The following ANKS1B variants were observed in gnomAD, a reference collection of about 807,000 sequenced individuals.
ANKS1B encodes ankyrin repeat and sterile alpha motif domain containing 1B.
A neutral mutation model predicts 148.3 loss-of-function variants in ANKS1B; 36 were observed. That is an observed-to-expected ratio of 0.24 (90% CI 0.19 to 0.32). The LOEUF (loss-of-function observed/expected upper bound fraction) is 0.32, where lower values mean the gene tolerates loss of function less well. Among genes scored for constraint, ANKS1B ranks in the 10% least tolerant of loss-of-function variants. ANKS1B has a pLI of 1.00. For missense variants in ANKS1B, 1,157 were observed against 1,542.6 expected (o/e 0.75, Z 4.19); for synonymous variants, 542 against 560.8 (o/e 0.97, Z 0.47).
chr12:99,356,767 C>G (rs1280716962), intron 12 of ANKS1B, among the ~76,000 whole-genome samples: 1 of 152,016 alleles, frequency 6.6e-6, no homozygotes, highest in East Asian at 1.9e-4. Context: ...ACATGAGTTC[C>G]CTTTAAAACC....
intron 8 of ANKS1B, among the ~76,000 whole-genome samples, chr12:99,736,650 C>T (rs1469323357): frequency 6.6e-6 from 1 of 151,732 alleles, no homozygotes; most frequent in Non-Finnish European, 1.5e-5. Context: ...AATTTTATGG[C>T]AAAGAATTCA....
chr12:99,925,186 C>A (rs560716996), intron 1 of ANKS1B, among the ~76,000 whole-genome samples: 4 of 152,158 alleles, frequency 2.6e-5, no homozygotes, highest in Non-Finnish European at 4.4e-5. Flanking sequence ...AAGAATTTAA[C>A]AGAAAGCCCT....
At chr12:99,261,891 G>A (rs531161924) in intron 12 of ANKS1B, among the ~76,000 whole-genome samples, 172 of 152,146 alleles carry the variant, frequency 1.1e-3, no homozygotes, top group African/African-American at 3.9e-3. Context: ...GAGGCCATAC[G>A]TGATCTCAGA....
At chr12:99,351,814 C>A (rs1039963931) in intron 12 of ANKS1B, among the ~76,000 whole-genome samples, 1 of 152,192 alleles carries the variant, frequency 6.6e-6, no homozygotes, top group Non-Finnish European at 1.5e-5. Context: ...AGTGATCTGA[C>A]ATACATCAAT....
intron 25 of ANKS1B, among the ~76,000 whole-genome samples, chr12:98,769,837 T>C (rs1241069774): frequency 1.3e-5 from 2 of 152,218 alleles, no homozygotes; most frequent in African/African-American, 4.8e-5. Flanking sequence ...CTGAAAAGTA[T>C]CAGAATATTC....
intron 17 of ANKS1B, among the ~76,000 whole-genome samples, chr12:99,038,123 A>T (rs1438870799): frequency 6.6e-6 from 1 of 152,180 alleles, no homozygotes; most frequent in Non-Finnish European, 1.5e-5. Context: ...GATCATAATG[A>T]TTATCAGTAG....
chr12:98,921,857 T>C (rs1389865028), intron 17 of ANKS1B, among the ~76,000 whole-genome samples: 1 of 152,196 alleles, frequency 6.6e-6, no homozygotes, highest in Non-Finnish European at 1.5e-5. Context: ...CCAGAAAGCA[T>C]AAAGTTCTAA....
rs60549978 is a variant in ANKS1B, at chr12:99,956,277, CAAAA to C, written c.134+27823_134+27826del. Among the ~76,000 whole-genome samples, 8 of 90,158 alleles carry C rather than the reference CAAAA, an allele frequency of 8.9e-5. No homozygotes were observed. In the South Asian group the frequency reaches 2.5e-3, roughly 29 times the overall value. The allele number at this position is 90,158 out of a possible 152,430, so 59.1% of individuals were successfully genotyped here. ...TGAGTGACAGAGGGAGACTCTGTCT[CAAAA>C]AAAAAAAAAAAAAGCGCATGGATAA... On this transcript the variant is annotated intron_variant, in intron 1 of 26. Transcript: ENST00000683438.
chr12:99,360,636 T>C (rs891949884), intron 12 of ANKS1B, among the ~76,000 whole-genome samples: 6 of 152,144 alleles, frequency 3.9e-5, no homozygotes, highest in Non-Finnish European at 8.8e-5. Flanking sequence ...CTTAAGATTA[T>C]GTCCTCTTTC....
chr12:99,592,582 A>G (rs1405567501), intron 9 of ANKS1B, among the ~76,000 whole-genome samples: 1 of 152,112 alleles, frequency 6.6e-6, no homozygotes, highest in African/African-American at 2.4e-5. Flanking sequence ...CTGAAGAAAA[A>G]GACATGGAGA....
At chr12:99,367,122 A>T (rs1013288021) in intron 12 of ANKS1B, among the ~76,000 whole-genome samples, 4 of 152,126 alleles carry the variant, frequency 2.6e-5, no homozygotes, top group African/African-American at 9.7e-5. Context: ...AGACATTGCC[A>T]AAAAACGTGG....
chr12:99,871,250 T>C (rs2091474241), intron 1 of ANKS1B, among the ~76,000 whole-genome samples: 1 of 152,170 alleles, frequency 6.6e-6, no homozygotes, highest in African/African-American at 2.4e-5. Flanking sequence ...GGGTTCTCTA[T>C]TCTGTCCCAT....
chr12:98,878,146 T>G (rs1161568384), intron 17 of ANKS1B, among the ~76,000 whole-genome samples: 1 of 130,202 alleles, frequency 7.7e-6, no homozygotes, highest in Non-Finnish European at 1.7e-5. Context: ...CTTTTTGCTC[T>G]CTACATTTTC....
At chr12:99,281,611 A>AT (rs2078468389) in intron 12 of ANKS1B, among the ~76,000 whole-genome samples, 1 of 152,120 alleles carries the variant, frequency 6.6e-6, no homozygotes, top group South Asian at 2.1e-4. Context: ...TACTTTTATT[A>AT]TTTTTTTCTG....
In ANKS1B at chr12:99,699,417, A is replaced by C. The variant is rs186529440; in HGVS notation, c.1129-44207T>G. On this transcript the variant is annotated intron_variant, in intron 8 of 26. Transcript: ENST00000683438. ...AGTGCTGACTTTCTTAAGCTATAAAATCCTGGAGAGTAAAAATATATGCCT... is the reference window on the plus strand; with the variant it reads ...AGTGCTGACTTTCTTAAGCTATAAACTCCTGGAGAGTAAAAATATATGCCT... 2.7e-4 allele frequency among the ~76,000 whole-genome samples: 41 copies of C among 152,284 alleles called. 1 individual carries two copies. Among genetic ancestry groups the C allele is most frequent in the Admixed American group, 2.0e-3 (31 of 15,292 alleles).
chr12:99,231,543 CA>C (rs1018888560), intron 14 of ANKS1B, among the ~76,000 whole-genome samples: 2 of 151,890 alleles, frequency 1.3e-5, no homozygotes, highest in Admixed American at 6.6e-5. Flanking sequence ...GAATTGAATA[CA>C]AAAAATGTTG....
intron 17 of ANKS1B, among the ~76,000 whole-genome samples, chr12:98,849,908 C>G (rs755721697): frequency 5.9e-5 from 9 of 152,152 alleles, no homozygotes; most frequent in Non-Finnish European, 1.2e-4. Context: ...AATTTCTTGT[C>G]TATATACAAG....
chr12:98,795,943 A>C (rs1214200941), intron 22 of ANKS1B, among the ~76,000 whole-genome samples: 2 of 152,228 alleles, frequency 1.3e-5, no homozygotes, highest in Non-Finnish European at 2.9e-5. Flanking sequence ...TCAGTTGTGC[A>C]GGGCAGGGTG....
At chr12:99,288,904 C>T (rs1602453671) in intron 12 of ANKS1B, among the ~76,000 whole-genome samples, 1 of 152,032 alleles carries the variant, frequency 6.6e-6, no homozygotes, top group African/African-American at 2.4e-5. Context: ...TAAGTCCTTA[C>T]TTATCAATAC....
Sources: gnomAD v4.1 joint callset for allele counts (sites outside exome capture counted in the v4.1 genomes callset) on GRCh38, gnomAD v4.1.1 for gene constraint, MANE v1.5 for transcripts, NCBI Gene and HGNC (gene_info 2026-07-23, HGNC 2026-07-21) for gene names.